The following PRND variants were observed in gnomAD, a reference collection of about 807,000 sequenced individuals.
The protein encoded by PRND is prion like protein doppel.
For missense variants in PRND, 227 were observed against 223.3 expected, an observed-to-expected ratio of 1.02 and a Z score of -0.11; for synonymous variants, 94 against 93.2, an observed-to-expected ratio of 1.01 and a Z score of -0.05.
rs1923261915 is a variant in PRND, at chr20:4,726,154, T to TTTTTC, written c.*1072_*1073insTTTTC. 6.4e-6 allele frequency: 1 copy of TTTTTC among 157,376 alleles called. No homozygotes were observed. Among genetic ancestry groups the TTTTTC allele is most frequent in the East Asian group, 1.9e-4 (1 of 5,170 alleles). 9.7% of individuals were successfully genotyped at this position (157,376 alleles called of 1,614,324 possible). ...GGATTCAATTTTTTTTTTTTTTTTT[T>TTTTTC]CAAAAGAAGGGTAAGTGCTTGCTGT... is the stretch of plus-strand genomic sequence containing the variant. On this transcript the variant is annotated 3_prime_UTR_variant, in exon 2 of 2. Coordinates refer to ENST00000305817, the MANE Select transcript of PRND (RefSeq NM_012409.4).
In PRND at chr20:4,726,136, AT is replaced by A. The variant is rs58804370; in HGVS notation, c.*1072del. 604 of 120,474 alleles carry A rather than the reference AT, an allele frequency of 5.0e-3. 4 individuals carry two copies. Among genetic ancestry groups the A allele is most frequent in the East Asian group, 0.01 (41 of 4,024 alleles). The allele number at this position is 120,474 out of a possible 1,614,324, so 7.5% of individuals were successfully genotyped here. On this transcript the variant is annotated 3_prime_UTR_variant, in exon 2 of 2. Transcript: ENST00000305817. ...GGGCCTCCCATAGTGCTGGGATTCA[AT>A]TTTTTTTTTTTTTTTTTCAAAAGAA...
chr20:4,723,212 G>A (rs575061788), intron 1 of PRND, among the ~76,000 whole-genome samples: 1 of 152,194 alleles, frequency 6.6e-6, no homozygotes, highest in Non-Finnish European at 1.5e-5. Flanking sequence ...ACAGAGCCCA[G>A]TGCAGGTCTG....
chr20:4,722,737 C>T (rs1051386956), intron 1 of PRND, among the ~76,000 whole-genome samples: 6 of 152,146 alleles, frequency 3.9e-5, no homozygotes, highest in Admixed American at 3.9e-4. Flanking sequence ...GGCCCCATGG[C>T]CTCACAGTAA....
chr20:4,725,718 A>T lies in PRND; in HGVS notation c.*636A>T, dbSNP rs1174569910. Reference sequence around the variant, plus strand: ...TTAATCCTTCTAACTAAACTAAAATAGATTAAAGGAATTAAACTAAAATAC... The same window carrying T: ...TTAATCCTTCTAACTAAACTAAAATTGATTAAAGGAATTAAACTAAAATAC... On this transcript the variant is annotated 3_prime_UTR_variant, in exon 2 of 2. Coordinates refer to ENST00000305817, the MANE Select transcript of PRND (RefSeq NM_012409.4). 1 of 167,358 alleles carries T rather than the reference A, an allele frequency of 6.0e-6. No individual in the cohort carries two copies. The highest frequency in any genetic ancestry group is 1.5e-5 in the Non-Finnish European group (1 of 68,332). 10.4% of individuals were successfully genotyped at this position (167,358 alleles called of 1,614,324 possible). A position where few individuals can be genotyped will look rare whatever the true frequency, so the allele number is the denominator to read the frequency against.
chr20:4,722,437 G>A (rs955694871), intron 1 of PRND, among the ~76,000 whole-genome samples: 1 of 152,000 alleles, frequency 6.6e-6, no homozygotes, highest in Non-Finnish European at 1.5e-5. Flanking sequence ...AGAGAGTGGG[G>A]TGAGGGGGTC....
chr20:4,723,975 T>TGC (rs202156154), intron 1 of PRND, among the ~76,000 whole-genome samples: 1 of 148,322 alleles, frequency 6.7e-6, no homozygotes, highest in East Asian at 2.0e-4. Context: ...TGTGTGTGTG[T>TGC]ATGTGTGTGT....
chr20:4,726,723 A>G lies in PRND; in HGVS notation c.*1641A>G. Reference sequence around the variant, plus strand: ...AAGGGGGGAACATGCATTTTATCAGACAATTTATCCAAAGCATTGCAGAAC... The same window carrying G: ...AAGGGGGGAACATGCATTTTATCAGGCAATTTATCCAAAGCATTGCAGAAC... On this transcript the variant is annotated 3_prime_UTR_variant, in exon 2 of 2. Transcript: ENST00000305817. 6.0e-6 allele frequency: 1 copy of G among 167,192 alleles called. No individual in the cohort carries two copies. The allele number at this position is 167,192 out of a possible 1,614,324, so 10.4% of individuals were successfully genotyped here.
rs1228458643 is a variant in PRND, at chr20:4,727,955, T to G, written c.*2873T>G. On this transcript the variant is annotated 3_prime_UTR_variant, in exon 2 of 2. Transcript: ENST00000305817. Reference sequence around the variant, plus strand: ...TGCCCACCACCAAGCCCTGCAAATTTTTTTGTATTTTTAGTAGAGACAGTG... The same window carrying G: ...TGCCCACCACCAAGCCCTGCAAATTGTTTTGTATTTTTAGTAGAGACAGTG... The G allele has an allele frequency of 1.3e-5, 2 of 159,716 alleles. No individual in the cohort carries two copies. The highest frequency in any genetic ancestry group is 2.9e-5 in the Non-Finnish European group (2 of 68,032). The allele number at this position is 159,716 out of a possible 1,614,324, so 9.9% of individuals were successfully genotyped here.
In PRND at chr20:4,726,012, CATCA is replaced by C; in HGVS notation, c.*931_*934del. The stretch of plus-strand genomic sequence containing the variant: ...AGTAGCTGGGATTACAGGTGTGTGC[CATCA>C]TGCCTGACTAATTTTGTATTTTTAG... On this transcript the variant is annotated 3_prime_UTR_variant, in exon 2 of 2. Transcript: ENST00000305817. 1.0e-4 allele frequency: 1 copy of C among 9,592 alleles called. No individual in the cohort carries two copies. 0.6% of individuals were successfully genotyped at this position (9,592 alleles called of 1,614,324 possible).
At chr20:4,723,968 GTGTGTGTA>G (rs1337493994) in intron 1 of PRND, among the ~76,000 whole-genome samples, 7 of 127,196 alleles carry the variant, frequency 5.5e-5, no homozygotes, top group South Asian at 2.6e-4. Context: ...GTGTGTGTGT[GTGTGTGTA>G]TGTGTGTGTG....
In PRND at chr20:4,724,131, T is replaced by C. The variant is rs1444780137; in HGVS notation, c.-11-410T>C. Among the ~76,000 whole-genome samples the C allele has an allele frequency of 1.3e-5, 2 of 151,580 alleles. No homozygotes were observed. Among genetic ancestry groups the C allele is most frequent in the Non-Finnish European group, 2.9e-5 (2 of 67,982 alleles). On this transcript the variant is annotated intron_variant, in intron 1 of 1. Transcript: ENST00000305817. The surrounding 1 kb of genome is among the most constrained non-coding windows in gnomAD (Gnocchi z 4.8). ...ACACACACACACACACACACACATA[T>C]AGTCCATGCCCACCAGCATTTGATT... is the stretch of plus-strand genomic sequence containing the variant.
Position 4,728,320 on chromosome 20 carries a change from T to C in PRND, c.*3238T>C, listed in dbSNP as rs984315034. The stretch of plus-strand genomic sequence containing the variant: ...TTGGAACAACAGCTATCTAGATAGC[T>C]GACTCATTCTTTTGGATTGCTACGT... On this transcript the variant is annotated 3_prime_UTR_variant, in exon 2 of 2. Transcript: ENST00000305817. 6.0e-6 allele frequency: 1 copy of C among 167,146 alleles called. No individual in the cohort carries two copies. Among genetic ancestry groups the C allele is most frequent in the African/African-American group, 2.4e-5 (1 of 41,480 alleles). 10.4% of individuals were successfully genotyped at this position (167,146 alleles called of 1,614,324 possible).
Position 4,724,050 on chromosome 20 carries a change from A to ATGTG in PRND, c.-11-485_-11-482dup, listed in dbSNP as rs35664218. 3.3e-5 allele frequency among the ~76,000 whole-genome samples: 5 copies of ATGTG among 149,430 alleles called. No individual in the cohort carries two copies. Among genetic ancestry groups the ATGTG allele is most frequent in the Non-Finnish European group, 5.9e-5 (4 of 67,594 alleles). ...CATATATGTGTGTATATATGTATATATGTGTGTGTATATACGTGTATATAT... is the reference window on the plus strand; with the variant it reads ...CATATATGTGTGTATATATGTATATATGTGTGTGTGTGTATATACGTGTATATAT... On this transcript the variant is annotated intron_variant, in intron 1 of 1. Transcript: ENST00000305817. This position sits in a 1 kb window ranked among gnomAD's most constrained non-coding sequence, Gnocchi z 4.8.
In PRND at chr20:4,727,853, T is replaced by C. The variant is rs1362798816; in HGVS notation, c.*2771T>C. Reference sequence around the variant, plus strand: ...CAGGCTGGAGTGCAGTGGCGTGATCTTGGCTCACTACAACCTCCACCTTCC... The same window carrying C: ...CAGGCTGGAGTGCAGTGGCGTGATCCTGGCTCACTACAACCTCCACCTTCC... On this transcript the variant is annotated 3_prime_UTR_variant, in exon 2 of 2. Coordinates refer to ENST00000305817, the MANE Select transcript of PRND (RefSeq NM_012409.4). The C allele has an allele frequency of 6.2e-6, 1 of 162,244 alleles. No homozygotes were observed. The highest frequency in any genetic ancestry group is 1.5e-5 in the Non-Finnish European group (1 of 67,740). The allele number at this position is 162,244 out of a possible 1,614,324, so 10.1% of individuals were successfully genotyped here.
In PRND at chr20:4,724,967, T is replaced by C; in HGVS notation, c.416T>C (p.Leu139Pro). The C allele has an allele frequency of 6.2e-7, 1 of 1,613,954 alleles. No homozygotes were observed. Among genetic ancestry groups the C allele is most frequent in the Non-Finnish European group, 8.5e-7 (1 of 1,180,002 alleles). Reference protein sequence around the residue: ...QQVLWRLVQELCSLKHCEFWL... With the variant: ...QQVLWRLVQEPCSLKHCEFWL... ...GTGCTCTGGCGGCTGGTCCAGGAGC[T>C]CTGCTCCCTCAAGCATTGCGAGTTT... Residue 139 changes from leucine to proline, a missense_variant, in exon 2 of 2, where the codon CTC becomes CCC. Physicochemically the swap from Leu to Pro is moderately conservative, Grantham distance 98 (BLOSUM62 -3). Transcript: ENST00000305817. This position sits in a 1 kb window ranked among gnomAD's most constrained non-coding sequence, Gnocchi z 4.8.
At chr20:4,723,394 C>T (rs1156913773) in intron 1 of PRND, among the ~76,000 whole-genome samples, 4 of 152,150 alleles carry the variant, frequency 2.6e-5, no homozygotes, top group African/African-American at 7.2e-5. Context: ...CAATAAAAAG[C>T]CAGTAGGATA....
Position 4,722,211 on chromosome 20 carries a change from A to G in PRND, c.-12+242A>G, listed in dbSNP as rs540598959. 1.4e-3 allele frequency among the ~76,000 whole-genome samples: 210 copies of G among 152,116 alleles called. 1 individual carries two copies. Among genetic ancestry groups the G allele is most frequent in the Non-Finnish European group, 1.8e-3 (120 of 68,002 alleles). Reference sequence around the variant, plus strand: ...TTGTTTTGCCTTTAAGCTTCTGCCTATGAAAACTAATCTCTTTCTCAAGAA... The same window carrying G: ...TTGTTTTGCCTTTAAGCTTCTGCCTGTGAAAACTAATCTCTTTCTCAAGAA... On this transcript the variant is annotated intron_variant, in intron 1 of 1. Coordinates refer to ENST00000305817, the MANE Select transcript of PRND (RefSeq NM_012409.4).
In PRND at chr20:4,725,081, A is replaced by G; in HGVS notation, c.530A>G (p.Ter177=). The change falls in exon 2 of 2, where the codon TAA becomes TGA. Residue 177 remains the stop codon, a stop_retained_variant. Coordinates refer to ENST00000305817, the MANE Select transcript of PRND (RefSeq NM_012409.4). Reference sequence around the variant, plus strand: ...GCTTTGATCTGGCTCACGGTGAAATAAGCTTGCCAGGAGGCTGGCAGTACA... The same window carrying G: ...GCTTTGATCTGGCTCACGGTGAAATGAGCTTGCCAGGAGGCTGGCAGTACA... ...LLALIWLTVK[*] is the part of the protein sequence containing the mutation. The G allele has an allele frequency of 1.9e-6, 3 of 1,612,636 alleles. No individual in the cohort carries two copies. Among genetic ancestry groups the G allele is most frequent in the Non-Finnish European group, 2.5e-6 (3 of 1,179,684 alleles).
In PRND at chr20:4,727,812, G is replaced by A. The variant is rs1275918995; in HGVS notation, c.*2730G>A. The A allele has an allele frequency of 1.4e-5, 1 of 71,656 alleles. No individual in the cohort carries two copies. The highest frequency in any genetic ancestry group is 3.6e-5 in the Non-Finnish European group (1 of 27,618). The allele number at this position is 71,656 out of a possible 1,614,324, so 4.4% of individuals were successfully genotyped here. A position where few individuals can be genotyped will look rare whatever the true frequency, so the allele number is the denominator to read the frequency against. On this transcript the variant is annotated 3_prime_UTR_variant, in exon 2 of 2. Coordinates refer to ENST00000305817, the MANE Select transcript of PRND (RefSeq NM_012409.4). Reference sequence around the variant, plus strand: ...TCTATACTTTTTTTTTTGAGGCAGAGTCTCATTCTGTTGCCCAGGCTGGAG... The same window carrying A: ...TCTATACTTTTTTTTTTGAGGCAGAATCTCATTCTGTTGCCCAGGCTGGAG...
Sources: gnomAD v4.1 joint callset for allele counts (sites outside exome capture counted in the v4.1 genomes callset) on GRCh38, gnomAD v4.1.1 for gene constraint, Gnocchi (gnomAD v3.1) non-coding constraint, MANE v1.5 for transcripts, NCBI Gene and HGNC (gene_info 2026-07-23, HGNC 2026-07-21) for gene names.